Variants in NRXN1 observed in about 807,000 individuals in gnomAD.
NRXN1 encodes the protein neurexin-1.
Under a neutral mutation model 150.9 loss-of-function variants are expected in NRXN1, and 39 were observed. The ratio of observed to expected loss-of-function variants is 0.26; its 90% CI spans 0.20 to 0.34. NRXN1 has a LOEUF of 0.34. Among genes scored for constraint, NRXN1 ranks in the 10% least tolerant of loss-of-function variants. The pLI is 1.00. For missense variants in NRXN1, 1,815 were observed against 1,949.9 expected (o/e 0.93, Z 1.30); for synonymous variants, 924 against 757.0 (o/e 1.22, Z -3.62).
chr2:50,733,309 A>G (rs1198084569), intron 5 of NRXN1, among the ~76,000 whole-genome samples: 1 of 152,202 alleles, frequency 6.6e-6, no homozygotes, highest in Non-Finnish European at 1.5e-5. Context: ...CAAGACAAGT[A>G]AAAATTGGGA....
chr2:50,542,120 A>G (rs1293406685), intron 9 of NRXN1, among the ~76,000 whole-genome samples: 1 of 152,134 alleles, frequency 6.6e-6, no homozygotes. Context: ...CATCTCTACT[A>G]AAAATACAAA....
chr2:50,511,068 T>A (rs998879139), intron 12 of NRXN1, among the ~76,000 whole-genome samples: 7 of 149,210 alleles, frequency 4.7e-5, no homozygotes, highest in Non-Finnish European at 9.0e-5. Context: ...TTTTTTTTTT[T>A]AATTATTATT....
At chr2:50,730,615 T>G (rs1697968519) in intron 5 of NRXN1, among the ~76,000 whole-genome samples, 1 of 152,076 alleles carries the variant, frequency 6.6e-6, no homozygotes, top group Admixed American at 6.5e-5. Flanking sequence ...TCTATAATTA[T>G]GTCTTCATTT....
chr2:50,243,907 A>G (rs1458983373), intron 17 of NRXN1, among the ~76,000 whole-genome samples: 1 of 151,892 alleles, frequency 6.6e-6, no homozygotes, highest in Non-Finnish European at 1.5e-5. Context: ...AAAATAAAAC[A>G]ATTGAGAAAA....
intron 5 of NRXN1, among the ~76,000 whole-genome samples, chr2:50,737,669 C>G (rs930561090): frequency 6.6e-6 from 1 of 151,892 alleles, no homozygotes; most frequent in Admixed American, 6.6e-5. Flanking sequence ...TTTGGATGAT[C>G]GCCCTCTATA....
chr2:50,881,637 C>G (rs993116707), intron 5 of NRXN1, among the ~76,000 whole-genome samples: 2 of 151,784 alleles, frequency 1.3e-5, no homozygotes, highest in Non-Finnish European at 2.9e-5. Flanking sequence ...TAGACAAGAT[C>G]AAACAAGGCT....
At chr2:50,582,281 G>A (rs1165750115) in intron 8 of NRXN1, among the ~76,000 whole-genome samples, 2 of 151,842 alleles carry the variant, frequency 1.3e-5, no homozygotes. Context: ...TATAATCCCA[G>A]CACTTTGAGA....
intron 18 of NRXN1, among the ~76,000 whole-genome samples, chr2:50,105,066 G>A (rs1386120910): frequency 6.6e-6 from 1 of 151,960 alleles, no homozygotes; most frequent in Non-Finnish European, 1.5e-5. Context: ...GGTCTATCTG[G>A]TTCCAAACTA....
chr2:50,367,460 A>T (rs1394151808), intron 17 of NRXN1, among the ~76,000 whole-genome samples: 1 of 151,978 alleles, frequency 6.6e-6, no homozygotes, highest in Non-Finnish European at 1.5e-5. Context: ...AATATATCAA[A>T]TTATTTATTT....
intron 17 of NRXN1, among the ~76,000 whole-genome samples, chr2:50,290,430 T>A (rs930646753): frequency 2.6e-5 from 4 of 152,116 alleles, no homozygotes; most frequent in Non-Finnish European, 5.9e-5. Context: ...TTTTTGAAAG[T>A]TATTTGTGGT....
At chr2:50,405,263 C>T (rs924099298) in intron 17 of NRXN1, among the ~76,000 whole-genome samples, 9 of 152,116 alleles carry the variant, frequency 5.9e-5, no homozygotes, top group East Asian at 1.9e-4. Context: ...TCAATGAAGT[C>T]GCAGGCTCAA....
intron 10 of NRXN1, 50 bp from the exon 11 acceptor site, chr2:50,531,480 A>C (rs779623479): frequency 1.5e-6 from 2 of 1,377,780 alleles, no homozygotes; most frequent in South Asian, 1.2e-5. Flanking sequence ...ATAGCGCATT[A>C]ATACTTTAAA....
rs777085837 is a variant in NRXN1 at position 50,346,813 on chromosome 2, C to A, written c.3365-109843G>T. The A allele has an allele frequency of 1.9e-6, 3 of 1,612,980 alleles. No individual in the cohort carries two copies. On this transcript the variant is annotated intron_variant, in intron 17 of 22. Transcript: ENST00000401669. The surrounding 1 kb of genome is among the most constrained non-coding windows in gnomAD (Gnocchi z 5.0). Reference sequence around the variant, plus strand: ...CAAACTGGATGCCCCCCACGCCACTCCTAGGAGGCCGCTGAGGGTGAGCGG... The same window carrying A: ...CAAACTGGATGCCCCCCACGCCACTACTAGGAGGCCGCTGAGGGTGAGCGG...
Position 50,137,039 on chromosome 2 carries a change from G to C in NRXN1, c.3547-45545C>G, listed in dbSNP as rs946130320. ...ATAGACAGTACTTACAACACTGTCA[G>C]TTGAGTATTTGGCTTTGATATAGCT... is the stretch of plus-strand genomic sequence containing the variant. On this transcript the variant is annotated intron_variant, in intron 18 of 22. Coordinates refer to ENST00000401669, the MANE Select transcript of NRXN1 (RefSeq NM_001330078.2). Among the ~76,000 whole-genome samples, 24 of 152,174 alleles carry C rather than the reference G, an allele frequency of 1.6e-4. 1 individual carries two copies. Among genetic ancestry groups the C allele is most frequent in the Admixed American group, 1.5e-3 (23 of 15,276 alleles).
At chr2:50,590,377 TTTTG>T (rs1419104616) in intron 8 of NRXN1, among the ~76,000 whole-genome samples, 11 of 152,334 alleles carry the variant, frequency 7.2e-5, no homozygotes, top group South Asian at 2.1e-4. Flanking sequence ...TTATGAACTA[TTTTG>T]TTTAATGCCA....
intron 18 of NRXN1, chr2:50,175,119 A>G (rs538647128): frequency 1.3e-5 from 2 of 152,308 alleles, no homozygotes; most frequent in South Asian, 4.1e-4. Flanking sequence ...CATGGGCCTC[A>G]TGATCCAATG....
In NRXN1 at chr2:50,548,713, A is replaced by G. The variant is rs186366301; in HGVS notation, c.1759+3874T>C. On this transcript the variant is annotated intron_variant, in intron 9 of 22. Coordinates refer to ENST00000401669, the MANE Select transcript of NRXN1 (RefSeq NM_001330078.2). ...TCTCTATCTGGGATGGAAATTATGA[A>G]CCTTATAAAGTGGGTAATATTAAAA... Among the ~76,000 whole-genome samples, 56 of 152,138 alleles carry G rather than the reference A, an allele frequency of 3.7e-4. 1 individual carries two copies. In the East Asian group the frequency reaches 8.7e-3, roughly 24 times the overall value.
chr2:50,748,569 A>C (rs979678332), intron 5 of NRXN1, among the ~76,000 whole-genome samples: 7 of 152,186 alleles, frequency 4.6e-5, no homozygotes, highest in Middle Eastern at 3.4e-3. Context: ...TAAATTATAA[A>C]TACTCCCGAA....
intron 5 of NRXN1, among the ~76,000 whole-genome samples, chr2:50,773,797 G>A (rs1703287003): frequency 6.6e-6 from 1 of 152,088 alleles, no homozygotes; most frequent in African/African-American, 2.4e-5. Flanking sequence ...AGAAGCGAAG[G>A]ACAAGGTTGA....
Sources: gnomAD v4.1 joint callset for allele counts (sites outside exome capture counted in the v4.1 genomes callset) on GRCh38, gnomAD v4.1.1 for gene constraint, Gnocchi (gnomAD v3.1) non-coding constraint, MANE v1.5 for transcripts, NCBI Gene and HGNC (gene_info 2026-07-23, HGNC 2026-07-21) for gene names.